Variants in IRAK1BP1 observed in about 807,000 individuals in gnomAD.
IRAK1BP1 encodes the protein interleukin 1 receptor associated kinase 1 binding protein 1, also known as interleukin-1 receptor-associated kinase 1-binding protein 1.
Under a neutral mutation model 28.0 loss-of-function variants are expected in IRAK1BP1, and 24 were observed. The observed-to-expected ratio is 0.86, with a 90% CI of 0.62 to 1.20. IRAK1BP1 has a LOEUF of 1.20. Ranked by LOEUF, IRAK1BP1 falls within the 50% of genes most tolerant of loss-of-function variation. The pLI is 0.00. For synonymous variants in IRAK1BP1, 131 were observed against 116.3 expected (o/e 1.13, Z -0.81); for missense variants, 336 against 316.7 (o/e 1.06, Z -0.46).
the IRAK1BP1 span, among the ~76,000 whole-genome samples, chr6:78,953,565 T>G: frequency 1.3e-5 from 2 of 152,186 alleles, no homozygotes; most frequent in Non-Finnish European, 1.5e-5. Flanking sequence ...CCAGGTTTTT[T>G]GAAAGGTGAG....
chr6:78,918,507 A>G (rs780241244), intron 4 of IRAK1BP1, among the ~76,000 whole-genome samples: 2 of 149,366 alleles, frequency 1.3e-5, no homozygotes, highest in Non-Finnish European at 3.0e-5. Context: ...AAGATTTATT[A>G]CTCATACAGA....
exon 5 of IRAK1BP1, chr6:78,945,791 G>T: frequency 1.7e-6 from 1 of 591,400 alleles, no homozygotes; most frequent in South Asian, 2.3e-5. Context: ...GATCAGAGTT[G>T]CCATTTTTAA....
At chr6:78,961,192 A>T in the IRAK1BP1 span, among the ~76,000 whole-genome samples, 1 of 152,102 alleles carries the variant, frequency 6.6e-6, no homozygotes, top group Admixed American at 6.6e-5. Flanking sequence ...TTCATGCTAA[A>T]CTACAACTAT....
rs192244789 is a variant in IRAK1BP1 at position 78,945,184 on chromosome 6, A to T, written c.*68-224A>T. On this transcript the variant is annotated intron_variant and NMD_transcript_variant, in intron 4 of 4. Coordinates refer to the IRAK1BP1 transcript ENST00000606868. ...TTGCAGTAAATTTATCAACTAATAC[A>T]GATGTGTGACTTTTAAGTGGGCAAC... The T allele has an allele frequency of 4.5e-4, 331 of 727,854 alleles. No homozygotes were observed. In the Middle Eastern group the frequency reaches 0.015, roughly 34 times the overall value. The allele number at this position is 727,854 out of a possible 1,614,324, so 45.1% of individuals were successfully genotyped here.
chr6:78,923,948 T>C (rs1772814683), intron 4 of IRAK1BP1, among the ~76,000 whole-genome samples: 1 of 152,100 alleles, frequency 6.6e-6, no homozygotes, highest in Non-Finnish European at 1.5e-5. Flanking sequence ...TAGCACTAAA[T>C]GCCCACAAGA....
At chr6:78,922,840 G>A (rs971000770) in intron 4 of IRAK1BP1, among the ~76,000 whole-genome samples, 2 of 152,082 alleles carry the variant, frequency 1.3e-5, no homozygotes, top group Non-Finnish European at 1.5e-5. Flanking sequence ...AGAAGTGAAG[G>A]AGAAATAAAA....
intron 1 of IRAK1BP1, among the ~76,000 whole-genome samples, chr6:78,883,617 A>G (rs1197497458): frequency 2.6e-5 from 4 of 152,224 alleles, no homozygotes; most frequent in Admixed American, 6.5e-5. Context: ...ATATGTTTAC[A>G]TGTCATAAAA....
intron 4 of IRAK1BP1, among the ~76,000 whole-genome samples, chr6:78,916,508 A>G (rs1483503266): frequency 6.6e-6 from 1 of 152,198 alleles, no homozygotes; most frequent in Non-Finnish European, 1.5e-5. Context: ...GTCTAATATA[A>G]TATGGGAATA....
intron 4 of IRAK1BP1, among the ~76,000 whole-genome samples, chr6:78,925,006 A>C (rs1032704258): frequency 6.6e-6 from 1 of 152,226 alleles, no homozygotes; most frequent in East Asian, 1.9e-4. Context: ...TGATGAGTTC[A>C]TGTCCTTTGT....
chr6:78,922,466 C>G (rs947770148), intron 4 of IRAK1BP1, among the ~76,000 whole-genome samples: 2 of 152,114 alleles, frequency 1.3e-5, no homozygotes, highest in Non-Finnish European at 2.9e-5. Context: ...CTGAAAGTCA[C>G]GGGGAGAATG....
In IRAK1BP1 at chr6:78,900,353, A is replaced by T. The variant is rs928089083; in HGVS notation, c.*2019A>T. The T allele has an allele frequency of 5.9e-5, 9 of 152,226 alleles. No individual in the cohort carries two copies. The highest frequency in any genetic ancestry group is 2.2e-4 in the African/African-American group (9 of 41,464). The allele number at this position is 152,226 out of a possible 1,614,324, so 9.4% of individuals were successfully genotyped here. On this transcript the variant is annotated 3_prime_UTR_variant, in exon 4 of 4. Coordinates refer to ENST00000369940, the MANE Select transcript of IRAK1BP1 (RefSeq NM_001010844.4). ...TACATCTAGGTCATAGAGTTTTTCC[A>T]TTGATAAATCTGGATGTTTATATAC...
At chr6:78,944,990 C>A (rs954357446) in intron 4 of IRAK1BP1, among the ~76,000 whole-genome samples, 1 of 151,876 alleles carries the variant, frequency 6.6e-6, no homozygotes, top group Non-Finnish European at 1.5e-5. Flanking sequence ...GTTTTGTGAT[C>A]CAATAATTAC....
chr6:78,905,903 G>A (rs1203917985), downstream of IRAK1BP1, among the ~76,000 whole-genome samples: 2 of 152,226 alleles, frequency 1.3e-5, no homozygotes, highest in East Asian at 3.9e-4. Flanking sequence ...ACCTGACCTA[G>A]AAATATTATC....
In IRAK1BP1 at chr6:78,879,872, T is replaced by C. The variant is rs114752643; in HGVS notation, c.316-5506T>C. 4.4e-3 allele frequency among the ~76,000 whole-genome samples: 676 copies of C among 152,280 alleles called. 2 individuals carry two copies. Among genetic ancestry groups the C allele is most frequent in the African/African-American group, 0.014 (597 of 41,556 alleles). On this transcript the variant is annotated intron_variant, in intron 1 of 3. Transcript: ENST00000369940. ...GTCCCCTTCCTGCAGGGTACAGATA[T>C]AGTAGTGAGGTTGGTCAGGTGTCAT...
chr6:78,959,362 T>C, the IRAK1BP1 span, among the ~76,000 whole-genome samples: 1 of 152,056 alleles, frequency 6.6e-6, no homozygotes, highest in South Asian at 2.1e-4. Context: ...AAAGAAAAAC[T>C]GTGCATTTCA....
intron 4 of IRAK1BP1, among the ~76,000 whole-genome samples, chr6:78,914,263 A>G (rs963654507): frequency 6.6e-6 from 1 of 152,252 alleles, no homozygotes; most frequent in Admixed American, 6.5e-5. Flanking sequence ...GAAAAGGTTA[A>G]CCCAAAGATT....
At chr6:78,878,555 A>G (rs558983417) in intron 1 of IRAK1BP1, among the ~76,000 whole-genome samples, 1 of 152,342 alleles carries the variant, frequency 6.6e-6, no homozygotes, top group Admixed American at 6.5e-5. Flanking sequence ...ACCAGAGCAG[A>G]AAAGCTGAAA....
the IRAK1BP1 span, among the ~76,000 whole-genome samples, chr6:78,959,694 A>T: frequency 6.6e-6 from 1 of 152,158 alleles, no homozygotes; most frequent in Non-Finnish European, 1.5e-5. Context: ...GCAATTTCTA[A>T]TTCATGTAAG....
chr6:78,886,463 G>A lies in IRAK1BP1; in HGVS notation c.381+1020G>A, dbSNP rs150511778. On this transcript the variant is annotated intron_variant, in intron 2 of 3. Transcript: ENST00000369940. Reference sequence around the variant, plus strand: ...GGATCCACTTGGCAAAACTTATTTCGTAGTAGTAGGAACTGAAAAATACCT... The same window carrying A: ...GGATCCACTTGGCAAAACTTATTTCATAGTAGTAGGAACTGAAAAATACCT... Among the ~76,000 whole-genome samples, 962 of 152,118 alleles carry A rather than the reference G, an allele frequency of 6.3e-3. 10 individuals are homozygous for A. The highest frequency in any genetic ancestry group is 0.022 in the African/African-American group (930 of 41,508).
Sources: gnomAD v4.1 joint callset for allele counts (sites outside exome capture counted in the v4.1 genomes callset) on GRCh38, gnomAD v4.1.1 for gene constraint, MANE v1.5 for transcripts, NCBI Gene and HGNC (gene_info 2026-07-23, HGNC 2026-07-21) for gene names.